Variants in RBPJ observed in about 807,000 individuals in gnomAD.
RBPJ encodes recombining binding protein suppressor of hairless.
A neutral mutation model predicts 67.8 loss-of-function variants in RBPJ; 9 were observed. The ratio of observed to expected loss-of-function variants is 0.13; its 90% CI spans 0.08 to 0.23. RBPJ has a LOEUF of 0.23. Ranked by LOEUF, RBPJ falls within the 10% of genes least tolerant of loss-of-function variation. The probability of loss-of-function intolerance (pLI) is 1.00; values close to 1 mark genes in which losing one functional copy is unlikely to be tolerated. For missense variants in RBPJ, 305 were observed against 595.6 expected (o/e 0.51, Z 5.08); for synonymous variants, 198 against 203.3 (o/e 0.97, Z 0.22).
the RBPJ span, among the ~76,000 whole-genome samples, chr4:26,110,349 C>T: frequency 2.0e-5 from 3 of 152,216 alleles, no homozygotes; most frequent in African/African-American, 7.2e-5. This position sits in a 1 kb window ranked among gnomAD's most constrained non-coding sequence, Gnocchi z 4.5. Context: ...TGTGGCATGG[C>T]GAATGTCCCT....
intron 1 of RBPJ, among the ~76,000 whole-genome samples, chr4:26,231,362 A>G (rs1054677282): frequency 2.0e-5 from 3 of 152,100 alleles, no homozygotes; most frequent in African/African-American, 7.2e-5. Flanking sequence ...TATGATCCAA[A>G]AGGAGATGTA....
chr4:26,109,487 T>TAC, the RBPJ span, among the ~76,000 whole-genome samples: 2 of 60,390 alleles, frequency 3.3e-5, no homozygotes, highest in Admixed American at 1.8e-4. Context: ...TATATATATA[T>TAC]ATATACACAC....
Position 26,334,934 on chromosome 4 carries a change from G to T in RBPJ, c.20+13886G>T, listed in dbSNP as rs1045264251. 1.5e-4 allele frequency among the ~76,000 whole-genome samples: 23 copies of T among 152,128 alleles called. No individual in the cohort carries two copies. In the South Asian group the frequency reaches 4.8e-3, roughly 32 times the overall value. On this transcript the variant is annotated intron_variant, in intron 1 of 10. Transcript: ENST00000355476. Reference sequence around the variant, plus strand: ...CTCTTGCTGTATTCTTTGACTTTATGTCTGTGTCATTAGTGTGGATGTTTA... The same window carrying T: ...CTCTTGCTGTATTCTTTGACTTTATTTCTGTGTCATTAGTGTGGATGTTTA...
At chr4:26,375,877 C>T (rs572941075) in intron 1 of RBPJ, among the ~76,000 whole-genome samples, 1 of 152,272 alleles carries the variant, frequency 6.6e-6, no homozygotes, top group African/African-American at 2.4e-5. Context: ...ATGCTTCTCT[C>T]TCCTTTTGTA....
At chr4:26,227,779 G>A (rs925042118) in intron 1 of RBPJ, among the ~76,000 whole-genome samples, 5 of 152,216 alleles carry the variant, frequency 3.3e-5, no homozygotes, top group African/African-American at 9.6e-5. Flanking sequence ...CGGAGCGTCC[G>A]AGTGCCGCTG....
chr4:26,227,245 TCAGACCTTTGGG>T (rs1019664809), intron 1 of RBPJ, among the ~76,000 whole-genome samples: 2 of 152,186 alleles, frequency 1.3e-5, no homozygotes, highest in African/African-American at 4.8e-5. Context: ...GTTCAAAACC[TCAGACCTTTGGG>T]CAGGTGGTTA....
At chr4:26,280,215 C>T (rs28641667) in intron 1 of RBPJ, among the ~76,000 whole-genome samples, 9,827 of 151,584 alleles carry the variant, frequency 0.065, 820 homozygotes, top group African/African-American at 0.19. Flanking sequence ...GCTAACACGG[C>T]GAAACCCCAA....
the RBPJ span, among the ~76,000 whole-genome samples, chr4:26,128,564 C>T: frequency 6.6e-6 from 1 of 152,308 alleles, no homozygotes; most frequent in Non-Finnish European, 1.5e-5. Context: ...CCAAATCCCA[C>T]ACTTTGTAAA....
chr4:26,304,061 T>G (rs1722159667), intron 1 of RBPJ, among the ~76,000 whole-genome samples: 1 of 152,212 alleles, frequency 6.6e-6, no homozygotes, highest in South Asian at 2.1e-4. Flanking sequence ...AGACAGCCAT[T>G]AATCTGCTGT....
chr4:26,395,661 C>T (rs1487712963), intron 2 of RBPJ, among the ~76,000 whole-genome samples: 1 of 152,092 alleles, frequency 6.6e-6, no homozygotes, highest in Admixed American at 6.5e-5. Flanking sequence ...CCCCATTAGC[C>T]ATTAGTGGAA....
At chr4:26,255,487 A>T (rs1247263671) in intron 1 of RBPJ, among the ~76,000 whole-genome samples, 1 of 149,496 alleles carries the variant, frequency 6.7e-6, no homozygotes, top group African/African-American at 2.5e-5. Context: ...TGAAGGAATG[A>T]TTAAATATCC....
intron 1 of RBPJ, among the ~76,000 whole-genome samples, chr4:26,251,517 C>A (rs1449164754): frequency 1.3e-5 from 2 of 151,702 alleles, no homozygotes; most frequent in Admixed American, 6.6e-5. Flanking sequence ...CTCCTGTAAT[C>A]CCAGCTACCT....
intron 1 of RBPJ, among the ~76,000 whole-genome samples, chr4:26,301,214 T>G (rs1437622430): frequency 1.3e-5 from 2 of 152,204 alleles, no homozygotes; most frequent in Non-Finnish European, 2.9e-5. Context: ...GATTCCCAGT[T>G]GTTATGAACT....
chr4:26,395,582 G>A (rs1005050690), intron 2 of RBPJ, among the ~76,000 whole-genome samples: 8 of 152,224 alleles, frequency 5.3e-5, no homozygotes, highest in Middle Eastern at 3.4e-3. Flanking sequence ...TCTAATGGGA[G>A]GTGTGAGTCT....
chr4:26,419,980 C>T (rs1288936314), intron 4 of RBPJ, among the ~76,000 whole-genome samples: 1 of 152,092 alleles, frequency 6.6e-6, no homozygotes, highest in African/African-American at 2.4e-5. Flanking sequence ...TAAAGTAATG[C>T]TTATATAATC....
At chr4:26,378,991 A>G (rs1730038918) in intron 1 of RBPJ, among the ~76,000 whole-genome samples, 1 of 152,116 alleles carries the variant, frequency 6.6e-6, no homozygotes, top group Non-Finnish European at 1.5e-5. Context: ...GTGCCACTGC[A>G]CTCTAGCATG....
chr4:26,348,987 G>T (rs1412936794), intron 1 of RBPJ, among the ~76,000 whole-genome samples: 3 of 152,058 alleles, frequency 2.0e-5, no homozygotes, highest in African/African-American at 7.2e-5. Context: ...GGTTACAGGC[G>T]TGAGCTACCA....
At chr4:26,171,461 G>C (rs1454516195) in intron 1 of RBPJ, among the ~76,000 whole-genome samples, 2 of 152,170 alleles carry the variant, frequency 1.3e-5, no homozygotes, top group Admixed American at 1.3e-4. Flanking sequence ...CCAGCTACTT[G>C]AGAGGCTGAG....
At chr4:26,426,611 T>A (rs1018862702) in intron 7 of RBPJ, among the ~76,000 whole-genome samples, 1 of 152,142 alleles carries the variant, frequency 6.6e-6, no homozygotes, top group African/African-American at 2.4e-5. Context: ...TGTAAAGGAT[T>A]TATGTAGTGA....
Sources: gnomAD v4.1 joint callset for allele counts (sites outside exome capture counted in the v4.1 genomes callset) on GRCh38, gnomAD v4.1.1 for gene constraint, Gnocchi (gnomAD v3.1) non-coding constraint, MANE v1.5 for transcripts, NCBI Gene and HGNC (gene_info 2026-07-23, HGNC 2026-07-21) for gene names.